ARHGAP15: variants seen among roughly 807,000 people sequenced by gnomAD.
The protein encoded by ARHGAP15 is Rho GTPase activating protein 15, also known as rho GTPase-activating protein 15.
A neutral mutation model predicts 63.7 loss-of-function variants in ARHGAP15; 51 were observed. The ratio of observed to expected loss-of-function variants is 0.80; its 90% CI spans 0.64 to 1.01. ARHGAP15 has a LOEUF of 1.01. Among genes scored for constraint, ARHGAP15 ranks in the 50% least tolerant of loss-of-function variants. The pLI is 0.00. For synonymous variants in ARHGAP15, 191 were observed against 193.8 expected (o/e 0.99, Z 0.12); for missense variants, 560 against 564.6 (o/e 0.99, Z 0.08).
chr2:143,503,477 A>G (rs1693165484), intron 9 of ARHGAP15, among the ~76,000 whole-genome samples: 1 of 152,180 alleles, frequency 6.6e-6, no homozygotes, highest in Non-Finnish European at 1.5e-5. Flanking sequence ...AGATGATGAA[A>G]TGTTCTTTCT....
intron 11 of ARHGAP15, among the ~76,000 whole-genome samples, chr2:143,593,034 T>C (rs1393376259): frequency 1.3e-5 from 2 of 152,214 alleles, no homozygotes; most frequent in Non-Finnish European, 2.9e-5. Flanking sequence ...CTGAAGAAGA[T>C]GTGGGAAAGC....
intron 6 of ARHGAP15, among the ~76,000 whole-genome samples, chr2:143,418,360 T>C (rs1460448830): frequency 6.6e-6 from 1 of 152,186 alleles, no homozygotes; most frequent in Non-Finnish European, 1.5e-5. Flanking sequence ...CAAAATTCCA[T>C]TTCAAATACC....
chr2:143,400,814 A>G (rs192829520), intron 6 of ARHGAP15, among the ~76,000 whole-genome samples: 29 of 152,110 alleles, frequency 1.9e-4, no homozygotes, highest in South Asian at 2.1e-4. Flanking sequence ...TTCTCCCCCT[A>G]TAGGGGAGTT....
At chr2:143,271,498 C>T (rs187077895) in intron 6 of ARHGAP15, among the ~76,000 whole-genome samples, 15 of 152,348 alleles carry the variant, frequency 9.8e-5, no homozygotes, top group Non-Finnish European at 1.9e-4. Context: ...CTTGTTGAGA[C>T]GGAGTCTCGC....
intron 6 of ARHGAP15, among the ~76,000 whole-genome samples, chr2:143,388,059 TA>T (rs1687375475): frequency 6.6e-6 from 1 of 152,194 alleles, no homozygotes; most frequent in Non-Finnish European, 1.5e-5. Context: ...ATATCAACAC[TA>T]CTAAATACTG....
At chr2:143,309,034 T>C (rs923354590) in intron 6 of ARHGAP15, among the ~76,000 whole-genome samples, 1 of 151,982 alleles carries the variant, frequency 6.6e-6, no homozygotes, top group African/African-American at 2.4e-5. Context: ...TATTGTTCTT[T>C]GTGTGTTAGT....
chr2:143,472,316 C>A (rs375461211), intron 8 of ARHGAP15, among the ~76,000 whole-genome samples: 1 of 151,940 alleles, frequency 6.6e-6, no homozygotes, highest in East Asian at 1.9e-4. Context: ...GTAGTAGTAA[C>A]CCACACCATG....
intron 13 of ARHGAP15, among the ~76,000 whole-genome samples, chr2:143,718,099 T>A (rs567523231): frequency 1.3e-4 from 20 of 151,928 alleles, no homozygotes; most frequent in Admixed American, 1.1e-3. Flanking sequence ...TCGTTGGGGT[T>A]TTTTTTTCTC....
At chr2:143,163,759 C>T (rs1241714398) in intron 2 of ARHGAP15, among the ~76,000 whole-genome samples, 2 of 152,086 alleles carry the variant, frequency 1.3e-5, no homozygotes, top group African/African-American at 2.4e-5. Context: ...CACAAGTCCT[C>T]TGACTTAGAA....
intron 6 of ARHGAP15, among the ~76,000 whole-genome samples, chr2:143,330,094 CAAAA>C (rs1303438123): frequency 5.9e-4 from 1 of 1,688 alleles, no homozygotes; most frequent in African/African-American, 1.6e-3. Flanking sequence ...GGCTCTGTCT[CAAAA>C]AAAAAAAAAA....
intron 12 of ARHGAP15, among the ~76,000 whole-genome samples, chr2:143,639,307 T>G (rs1680492502): frequency 6.6e-6 from 1 of 152,150 alleles, no homozygotes; most frequent in Non-Finnish European, 1.5e-5. Context: ...TCTTGACTAT[T>G]CAATTTAAAA....
At chr2:143,227,355 T>C (rs1301943995) in intron 4 of ARHGAP15, among the ~76,000 whole-genome samples, 8 of 152,282 alleles carry the variant, frequency 5.3e-5, no homozygotes, top group Middle Eastern at 3.4e-3. Flanking sequence ...TCAATACATA[T>C]GTATTTTGCG....
intron 6 of ARHGAP15, among the ~76,000 whole-genome samples, chr2:143,423,904 G>A (rs780271899): frequency 6.6e-6 from 1 of 152,090 alleles, no homozygotes; most frequent in Non-Finnish European, 1.5e-5. Flanking sequence ...TCAAAGTTAT[G>A]CAGTTAATAA....
chr2:143,325,000 A>T (rs529667952), intron 6 of ARHGAP15, among the ~76,000 whole-genome samples: 76 of 152,300 alleles, frequency 5.0e-4, no homozygotes, highest in African/African-American at 1.5e-3. Context: ...GTCACAAGTC[A>T]TGGCTGGAGA....
intron 12 of ARHGAP15, among the ~76,000 whole-genome samples, chr2:143,669,798 G>A (rs977662985): frequency 6.6e-6 from 1 of 152,166 alleles, no homozygotes; most frequent in African/African-American, 2.4e-5. Flanking sequence ...CTGGGAAAAT[G>A]AGAGTTCTCA....
intron 10 of ARHGAP15, among the ~76,000 whole-genome samples, chr2:143,546,163 A>G (rs1181605792): frequency 6.6e-6 from 1 of 152,192 alleles, no homozygotes; most frequent in Non-Finnish European, 1.5e-5. Context: ...ATTTTCCCAC[A>G]TTCCTGAATC....
At chr2:143,715,727 C>T (rs1335022001) in intron 13 of ARHGAP15, among the ~76,000 whole-genome samples, 2 of 152,186 alleles carry the variant, frequency 1.3e-5, no homozygotes, top group Non-Finnish European at 2.9e-5. Flanking sequence ...TTAGTTCAAT[C>T]AGATCCAATT....
At chr2:143,310,692 A>C (rs1683406080) in intron 6 of ARHGAP15, among the ~76,000 whole-genome samples, 1 of 151,988 alleles carries the variant, frequency 6.6e-6, no homozygotes, top group African/African-American at 2.4e-5. Flanking sequence ...CCTTTTATTT[A>C]ATTTACATAC....
intron 6 of ARHGAP15, among the ~76,000 whole-genome samples, chr2:143,367,746 G>T (rs987462430): frequency 6.6e-6 from 1 of 151,668 alleles, no homozygotes; most frequent in Non-Finnish European, 1.5e-5. Context: ...GTGTTATTAG[G>T]AGGGTTTATA....
Sources: allele counts gnomAD v4.1 joint callset (sites outside exome capture counted in the v4.1 genomes callset), GRCh38; gene constraint gnomAD v4.1.1; transcripts MANE v1.5; gene names NCBI Gene and HGNC (gene_info 2026-07-23, HGNC 2026-07-21).